Variants in POLR2B observed in about 807,000 individuals in gnomAD.
POLR2B encodes DNA-directed RNA polymerase II subunit RPB2.
POLR2B carries 57 observed loss-of-function variants against 144.6 expected under a neutral mutation model. The ratio of observed to expected loss-of-function variants is 0.39; its 90% CI spans 0.32 to 0.49. The LOEUF is 0.49. POLR2B is among the 20% of genes least tolerant of loss of function. The probability of loss-of-function intolerance (pLI) is 0.83; values close to 1 mark genes in which losing one functional copy is unlikely to be tolerated. For synonymous variants in POLR2B, 442 were observed against 469.8 expected, an observed-to-expected ratio of 0.94 and a Z score of 0.77; for missense variants, 595 against 1,467.4, an observed-to-expected ratio of 0.41 and a Z score of 9.71.
chr4:56,999,189 G>A lies in POLR2B; in HGVS notation c.736-428G>A, dbSNP rs574064093. Among the ~76,000 whole-genome samples, 148 of 143,716 alleles carry A rather than the reference G, an allele frequency of 1.0e-3. 1 individual carries two copies. The highest frequency in any genetic ancestry group is 3.3e-3 in the African/African-American group (128 of 39,004). 94.3% of individuals were successfully genotyped at this position (143,716 alleles called of 152,430 possible). On this transcript the variant is annotated intron_variant, in intron 6 of 24. Coordinates refer to ENST00000314595, the MANE Select transcript of POLR2B (RefSeq NM_000938.3). The stretch of plus-strand genomic sequence containing the variant: ...TTTATTGTGTGCTTAGCTTTTTTCC[G>A]TATTTGTCTATCTGTATTGTCTCTT...
At position 57,017,475 on chromosome 4, in the gene POLR2B, C is replaced by G. The variant is rs902942093; in HGVS notation, c.2155-85C>G. 2.6e-5 allele frequency: 30 copies of G among 1,151,202 alleles called. No homozygotes were observed. The highest frequency in any genetic ancestry group is 3.4e-5 in the Non-Finnish European group (28 of 814,940). The allele number at this position is 1,151,202 out of a possible 1,614,324, so 71.3% of individuals were successfully genotyped here. A position where few individuals can be genotyped will look rare whatever the true frequency, so the allele number is the denominator to read the frequency against. ...GAAAAAAATCAGGAGTTTTACCAAT[C>G]ATATTTCTTTTGATTTATTGTCAGA... On this transcript the variant is annotated intron_variant, in intron 15 of 24. Coordinates refer to ENST00000314595, the MANE Select transcript of POLR2B (RefSeq NM_000938.3). This position sits in a 1 kb window ranked among gnomAD's most constrained non-coding sequence, Gnocchi z 4.8.
chr4:56,998,417 G>A (rs561443873), intron 6 of POLR2B, among the ~76,000 whole-genome samples: 1 of 152,110 alleles, frequency 6.6e-6, no homozygotes, highest in Non-Finnish European at 1.5e-5. Flanking sequence ...GGCTGATCTC[G>A]AACTCCCAAC....
chr4:57,014,413 C>T (rs1723298863), intron 13 of POLR2B, among the ~76,000 whole-genome samples: 1 of 151,980 alleles, frequency 6.6e-6, no homozygotes. Context: ...AGGCTGGTCT[C>T]AAACTCCTGA....
In POLR2B at chr4:57,023,920, A is replaced by G; in HGVS notation, c.2857-85A>G. 2.4e-6 allele frequency: 2 copies of G among 829,114 alleles called. No homozygotes were observed. Among genetic ancestry groups the G allele is most frequent in the Non-Finnish European group, 3.9e-6 (2 of 514,738 alleles). 51.4% of individuals were successfully genotyped at this position (829,114 alleles called of 1,614,324 possible). A position where few individuals can be genotyped will look rare whatever the true frequency, so the allele number is the denominator to read the frequency against. On this transcript the variant is annotated intron_variant, in intron 20 of 24. Coordinates refer to ENST00000314595, the MANE Select transcript of POLR2B (RefSeq NM_000938.3). The surrounding 1 kb of genome is among the most constrained non-coding windows in gnomAD (Gnocchi z 4.3). ...CATGTTTAAACAGAATTTGGGACATACAGTAATTCAGTTGGGAGAACTGAA... is the reference window on the plus strand; with the variant it reads ...CATGTTTAAACAGAATTTGGGACATGCAGTAATTCAGTTGGGAGAACTGAA...
chr4:56,985,917 C>T (rs1018946184), intron 1 of POLR2B, among the ~76,000 whole-genome samples: 4 of 152,178 alleles, frequency 2.6e-5, no homozygotes, highest in South Asian at 4.1e-4. Context: ...AAGACCATGT[C>T]GGATGGGAGA....
chr4:57,008,829 C>T (rs951724954), intron 10 of POLR2B, among the ~76,000 whole-genome samples: 1 of 152,124 alleles, frequency 6.6e-6, no homozygotes, highest in African/African-American at 2.4e-5. Flanking sequence ...GCTTAGAGAA[C>T]TTCTTAATAT....
At chr4:56,986,267 A>G (rs1291662565) in intron 1 of POLR2B, 87 bp from the exon 2 acceptor site, 2 of 812,776 alleles carry the variant, frequency 2.5e-6, no homozygotes, top group East Asian at 2.4e-5. Flanking sequence ...GAAAGTAAAT[A>G]TGTTTCTGCT....
intron 3 of POLR2B, among the ~76,000 whole-genome samples, chr4:56,991,544 A>G (rs1722507496): frequency 6.6e-6 from 1 of 152,188 alleles, no homozygotes; most frequent in African/African-American, 2.4e-5. Context: ...CTGAGAAACA[A>G]AGTGAGGTAG....
Position 56,994,851 on chromosome 4 carries a change from T to G in POLR2B, c.561T>G (p.Ile187Met), listed in dbSNP as rs756011094. 6.3e-7 allele frequency: 1 copy of G among 1,580,788 alleles called. No individual in the cohort carries two copies. The highest frequency in any genetic ancestry group is 8.7e-7 in the Non-Finnish European group (1 of 1,151,018). ...TGGATCCTGGTGGCTATTTCATTATTAATGGATCAGAAAAGGTATAGTAAC... is the reference window on the plus strand; with the variant it reads ...TGGATCCTGGTGGCTATTTCATTATGAATGGATCAGAAAAGGTATAGTAAC... ...CPLDPGGYFI[I>M]NGSEKVLIAQ... The change falls in exon 5 of 25, where the codon ATT becomes ATG. Residue 187 changes from isoleucine (I) to methionine (M), a missense_variant. By Grantham distance (10) the Ile-to-Met change is conservative. Coordinates refer to ENST00000314595, the MANE Select transcript of POLR2B (RefSeq NM_000938.3).
At position 57,023,516 on chromosome 4, in the gene POLR2B, C is replaced by T. The variant is rs1271379137; in HGVS notation, c.2702C>T (p.Thr901Met). The change falls in exon 19 of 25, where the codon ACG becomes ATG. Residue 901 changes from threonine (T) to methionine (M), a missense_variant. Thr to Met is a moderately conservative substitution (Grantham distance 81). Around this residue, in one of 9 missense-constraint regions of POLR2B, gnomAD observed 65 missense variants for 282.8 expected, o/e 0.23. Coordinates refer to ENST00000314595, the MANE Select transcript of POLR2B (RefSeq NM_000938.3). This position sits in a 1 kb window ranked among gnomAD's most constrained non-coding sequence, Gnocchi z 4.3. ...AGCACTTTTCTCAGAACTAGCGAGA[C>T]GGGCATTGTGGATCAGGTTATGGTA... ...DCSTFLRTSETGIVDQVMVTL... is the reference protein window; with the variant it reads ...DCSTFLRTSEMGIVDQVMVTL... The T allele has an allele frequency of 1.2e-6, 2 of 1,613,018 alleles. No individual in the cohort carries two copies. Among genetic ancestry groups the T allele is most frequent in the African/African-American group, 2.7e-5 (2 of 74,872 alleles).
intron 6 of POLR2B, among the ~76,000 whole-genome samples, chr4:56,995,686 TCAAGAG>T (rs1722656473): frequency 6.6e-6 from 1 of 152,198 alleles, no homozygotes; most frequent in African/African-American, 2.4e-5. Context: ...TGCCGTAATC[TCAAGAG>T]TCATTCCCAT....
chr4:56,988,869 AG>A (rs1419901734), intron 2 of POLR2B, among the ~76,000 whole-genome samples: 5 of 152,208 alleles, frequency 3.3e-5, no homozygotes, highest in Non-Finnish European at 7.3e-5. Flanking sequence ...ATTTTATCTT[AG>A]GTGAAAAGAA....
intron 7 of POLR2B, 114 bp from the exon 8 acceptor site, chr4:57,005,132 A>C (rs1315800838): frequency 3.8e-6 from 2 of 526,452 alleles, no homozygotes; most frequent in Non-Finnish European, 6.4e-6. Flanking sequence ...AAATACTCAC[A>C]TATTTTATTA....
chr4:57,010,559 G>A (rs1346845862), intron 11 of POLR2B, 55 bp downstream of exon 11: 20 of 1,503,438 alleles, frequency 1.3e-5, no homozygotes, highest in Admixed American at 2.1e-5. Context: ...ATTATGTAGG[G>A]CATAATTACT....
At chr4:57,014,039 A>G (rs1317767952) in intron 13 of POLR2B, among the ~76,000 whole-genome samples, 1 of 152,142 alleles carries the variant, frequency 6.6e-6, no homozygotes, top group Non-Finnish European at 1.5e-5. Flanking sequence ...TGCATTTGAA[A>G]GAAGAATCTT....
intron 24 of POLR2B, 34 bp from the exon 25 acceptor site, chr4:57,030,865 A>G (rs1022958499): frequency 5.5e-6 from 7 of 1,278,344 alleles, no homozygotes; most frequent in South Asian, 3.6e-5. Context: ...CTTCAATACA[A>G]TTCTGCTAAT....
chr4:57,007,925 T>C (rs1424961085), intron 10 of POLR2B, among the ~76,000 whole-genome samples: 1 of 152,224 alleles, frequency 6.6e-6, no homozygotes, highest in Non-Finnish European at 1.5e-5. Context: ...CGGACACCAA[T>C]TTCAAGCTCC....
chr4:56,996,447 A>AT (rs781334222), intron 6 of POLR2B, among the ~76,000 whole-genome samples: 93 of 145,442 alleles, frequency 6.4e-4, no homozygotes, highest in African/African-American at 2.0e-3. Context: ...CGCCCGGCTA[A>AT]TTTTTTTTTT....
At chr4:56,980,549 C>T (rs769355765) in intron 1 of POLR2B, among the ~76,000 whole-genome samples, 1 of 152,036 alleles carries the variant, frequency 6.6e-6, no homozygotes, top group Admixed American at 6.6e-5. Flanking sequence ...TGGGAGACCC[C>T]TCTCTATAAG....
Sources: gnomAD v4.1 joint callset for allele counts (sites outside exome capture counted in the v4.1 genomes callset) on GRCh38, gnomAD v4.1.1 for gene constraint, gnomAD v4.1.1 regional missense constraint, Gnocchi (gnomAD v3.1) non-coding constraint, MANE v1.5 for transcripts, NCBI Gene and HGNC (gene_info 2026-07-23, HGNC 2026-07-21) for gene names.